TUSC3: variants seen among roughly 807,000 people sequenced by gnomAD.
TUSC3 encodes tumor suppressor candidate 3, also known as dolichyl-diphosphooligosaccharide--protein glycosyltransferase subunit TUSC3.
In TUSC3, 45 loss-of-function variants were observed where a neutral mutation model predicts 44.8. The ratio of observed to expected loss-of-function variants is 1.00; its 90% CI spans 0.79 to 1.29. The LOEUF (loss-of-function observed/expected upper bound fraction) is 1.29, where lower values mean the gene tolerates loss of function less well. Among genes scored for constraint, TUSC3 ranks in the 50% most tolerant of loss-of-function variants. The pLI is 0.00. For synonymous variants in TUSC3, 212 were observed against 152.9 expected (o/e 1.39, Z -2.85); for missense variants, 519 against 437.9 (o/e 1.19, Z -1.65).
chr8:15,542,488 C>T (rs1346152155), intron 1 of TUSC3, among the ~76,000 whole-genome samples: 1 of 151,804 alleles, frequency 6.6e-6, no homozygotes, highest in Non-Finnish European at 1.5e-5. Flanking sequence ...GGGATATGCC[C>T]TCGGTGGAGA....
In TUSC3 at chr8:15,497,274, G is replaced by C. The variant is rs369857703; in HGVS notation, n.189+13791G>C. ...GCTTCCAAGTCCCAATTCCCACCGGGTGATTTAAAGAGGGCCCAGTGATGT... is the reference window on the plus strand; with the variant it reads ...GCTTCCAAGTCCCAATTCCCACCGGCTGATTTAAAGAGGGCCCAGTGATGT... On this transcript the variant is annotated intron_variant and non_coding_transcript_variant, in intron 2 of 5. Coordinates refer to the TUSC3 transcript ENST00000503191. Among the ~76,000 whole-genome samples the C allele has an allele frequency of 5.5e-4, 84 of 152,272 alleles. 1 individual carries two copies. In the South Asian group the frequency reaches 0.016, roughly 29 times the overall value.
At chr8:15,767,439 A>G (rs1812362579), downstream of TUSC3, among the ~76,000 whole-genome samples, 1 of 152,004 alleles carries the variant, frequency 6.6e-6, no homozygotes, top group Non-Finnish European at 1.5e-5. Context: ...AACAGGAAAA[A>G]AAAAAAACAC....
chr8:15,483,284 C>A, intron 1 of TUSC3: 1 of 189,364 alleles, frequency 5.3e-6, no homozygotes, highest in Non-Finnish European at 1.1e-5. Context: ...TTTAAAAATC[C>A]TCTAAGATGA....
intron 6 of TUSC3, among the ~76,000 whole-genome samples, chr8:15,711,415 A>T (rs1256973938): frequency 6.6e-6 from 1 of 151,266 alleles, no homozygotes; most frequent in Non-Finnish European, 1.5e-5. Context: ...TAAACCAAAA[A>T]CTTATCTCAG....
At chr8:15,472,325 C>T (rs1212314464) in intron 1 of TUSC3, among the ~76,000 whole-genome samples, 3 of 152,018 alleles carry the variant, frequency 2.0e-5, no homozygotes, top group African/African-American at 7.2e-5. Flanking sequence ...AGACAGTGGA[C>T]CACAGAAATG....
At chr8:15,739,004 T>C (rs372987338) in intron 7 of TUSC3, among the ~76,000 whole-genome samples, 1 of 151,844 alleles carries the variant, frequency 6.6e-6, no homozygotes, top group African/African-American at 2.4e-5. Context: ...GGCTAATTTT[T>C]GTATTCTTAA....
At chr8:15,749,755 C>T (rs1447010124) in intron 9 of TUSC3, among the ~76,000 whole-genome samples, 1 of 147,996 alleles carries the variant, frequency 6.8e-6, no homozygotes, top group Non-Finnish European at 1.5e-5. Flanking sequence ...TTCTTTTGCC[C>T]TGCTCTAGGA....
At chr8:15,850,461 A>C in the TUSC3 span, among the ~76,000 whole-genome samples, 74 of 152,314 alleles carry the variant, frequency 4.9e-4, no homozygotes, top group African/African-American at 1.7e-3. Context: ...TATTTAACTC[A>C]CAAGTACTAT....
chr8:15,846,133 T>C, the TUSC3 span, among the ~76,000 whole-genome samples: 1 of 152,162 alleles, frequency 6.6e-6, no homozygotes, highest in South Asian at 2.1e-4. Flanking sequence ...CCACAACATG[T>C]GGGAATTCTG....
At chr8:15,570,277 C>T (rs1441607228) in intron 1 of TUSC3, among the ~76,000 whole-genome samples, 1 of 144,924 alleles carries the variant, frequency 6.9e-6, no homozygotes, top group Admixed American at 6.7e-5. Flanking sequence ...CACACACACA[C>T]ACACACACAC....
chr8:15,512,477 A>G (rs921141510), intron 2 of TUSC3, among the ~76,000 whole-genome samples: 1 of 152,158 alleles, frequency 6.6e-6, no homozygotes, highest in African/African-American at 2.4e-5. Flanking sequence ...TTCTTTAACA[A>G]TAAATGTTTC....
At chr8:15,750,389 C>T (rs1019752360) in intron 9 of TUSC3, among the ~76,000 whole-genome samples, 1 of 152,056 alleles carries the variant, frequency 6.6e-6, no homozygotes, top group Non-Finnish European at 1.5e-5. Flanking sequence ...CATTCCCTAT[C>T]TAGATTATTA....
intron 1 of TUSC3, among the ~76,000 whole-genome samples, chr8:15,572,023 G>T (rs550946419): frequency 1.3e-5 from 2 of 152,044 alleles, no homozygotes; most frequent in South Asian, 2.1e-4. Context: ...TAGGCTTTTC[G>T]GAATGGTAAA....
rs1024850802 is a variant in TUSC3, at chr8:15,552,065, C to G, written c.138+11497C>G. Among the ~76,000 whole-genome samples, 8 of 151,694 alleles carry G rather than the reference C, an allele frequency of 5.3e-5. 1 individual carries two copies. The East Asian group carries it at 9.7e-4, about 18-fold the overall frequency. Reference sequence around the variant, plus strand: ...AATTATGGCAGAAGCCCAAAGTAGACAAGCCTTATATGTTTGATTCCTGTT... The same window carrying G: ...AATTATGGCAGAAGCCCAAAGTAGAGAAGCCTTATATGTTTGATTCCTGTT... On this transcript the variant is annotated intron_variant, in intron 1 of 10. Transcript: ENST00000503731.
chr8:15,542,787 T>C (rs955787809), intron 1 of TUSC3, among the ~76,000 whole-genome samples: 3 of 152,366 alleles, frequency 2.0e-5, no homozygotes, highest in Admixed American at 2.0e-4. Flanking sequence ...GCAAATTAGT[T>C]TTATTTCTCC....
chr8:15,757,679 T>C, intron 9 of TUSC3, 112 bp from the exon 10 acceptor site: 4 of 1,353,840 alleles, frequency 3.0e-6, no homozygotes, highest in Admixed American at 1.7e-5. Context: ...CCCTGTCTTA[T>C]CTAGATAAAG....
intron 1 of TUSC3, among the ~76,000 whole-genome samples, chr8:15,480,149 G>C (rs1049443021): frequency 6.6e-6 from 1 of 152,182 alleles, no homozygotes; most frequent in Non-Finnish European, 1.5e-5. Flanking sequence ...TATTCAAGGA[G>C]AACTACACGC....
At chr8:15,433,804 G>A (rs192323913) in intron 1 of TUSC3, among the ~76,000 whole-genome samples, 174 of 152,128 alleles carry the variant, frequency 1.1e-3, no homozygotes, top group African/African-American at 3.9e-3. Flanking sequence ...AGAAATATAC[G>A]TTATATGGAT....
intron 6 of TUSC3, among the ~76,000 whole-genome samples, chr8:15,722,124 G>A (rs1810325487): frequency 6.6e-6 from 1 of 151,946 alleles, no homozygotes. Context: ...CTAGGATCCT[G>A]GGAGTTTTCC....
Sources: gnomAD v4.1 joint callset for allele counts (sites outside exome capture counted in the v4.1 genomes callset) on GRCh38, gnomAD v4.1.1 for gene constraint, MANE v1.5 for transcripts, NCBI Gene and HGNC (gene_info 2026-07-23, HGNC 2026-07-21) for gene names.